Variants in EXOC6B observed in about 807,000 individuals in gnomAD.
The protein encoded by EXOC6B is exocyst complex component 6B.
A neutral mutation model predicts 113.5 loss-of-function variants in EXOC6B; 54 were observed. The ratio of observed to expected loss-of-function variants is 0.48; its 90% CI spans 0.38 to 0.60. The LOEUF is 0.60. Ranked by LOEUF, EXOC6B falls within the 20% of genes least tolerant of loss-of-function variation. The probability of loss-of-function intolerance (pLI) is 0.00; values close to 1 mark genes in which losing one functional copy is unlikely to be tolerated. For missense variants in EXOC6B, 797 were observed against 977.5 expected, an observed-to-expected ratio of 0.82 and a Z score of 2.46; for synonymous variants, 357 against 339.0, an observed-to-expected ratio of 1.05 and a Z score of -0.58.
intron 20 of EXOC6B, among the ~76,000 whole-genome samples, chr2:72,222,859 T>C (rs1274542361): frequency 1.3e-5 from 2 of 152,180 alleles, no homozygotes; most frequent in Non-Finnish European, 2.9e-5. Flanking sequence ...CACATATTCA[T>C]TATCCTTCAG....
intron 6 of EXOC6B, among the ~76,000 whole-genome samples, chr2:72,653,973 T>TTA (rs1553460849): frequency 1.6e-4 from 5 of 31,154 alleles, no homozygotes; most frequent in African/African-American, 2.1e-4. Context: ...TTTATTTATT[T>TTA]TTTTTTTTTT....
At chr2:72,184,732 T>C (rs1678311852) in intron 20 of EXOC6B, among the ~76,000 whole-genome samples, 1 of 152,194 alleles carries the variant, frequency 6.6e-6, no homozygotes, top group African/African-American at 2.4e-5. Flanking sequence ...CACATGCCTA[T>C]ATACAAATAG....
intron 3 of EXOC6B, 60 bp from the exon 4 acceptor site, chr2:72,731,305 C>A: frequency 2.4e-6 from 3 of 1,226,306 alleles, no homozygotes; most frequent in South Asian, 2.6e-5. Flanking sequence ...AGCTTTCAGT[C>A]ACATTTTTCC....
At chr2:72,647,479 C>A (rs1386266401) in intron 6 of EXOC6B, among the ~76,000 whole-genome samples, 1 of 152,166 alleles carries the variant, frequency 6.6e-6, no homozygotes, top group African/African-American at 2.4e-5. Context: ...CAAGACAATC[C>A]TAAGCAAAAA....
rs148596485 is a variant in EXOC6B, at chr2:72,510,130, G to A, written c.1167+3002C>T. 4.9e-3 allele frequency among the ~76,000 whole-genome samples: 749 copies of A among 152,130 alleles called. 11 individuals are homozygous for A. Among genetic ancestry groups the A allele is most frequent in the African/African-American group, 0.017 (696 of 41,498 alleles). ...ATTACAGGAGTGAGCCAACATGCCC[G>A]ACCTAATATCAGTATTATTTTTTAA... On this transcript the variant is annotated intron_variant, in intron 11 of 21. Transcript: ENST00000272427.
chr2:72,802,123 G>A, intron 1 of EXOC6B, among the ~76,000 whole-genome samples: 1 of 152,084 alleles, frequency 6.6e-6, no homozygotes, highest in Non-Finnish European at 1.5e-5. Context: ...GGGAGTTCAA[G>A]ACCAGCCTGA....
intron 6 of EXOC6B, among the ~76,000 whole-genome samples, chr2:72,710,465 T>C (rs767320027): frequency 6.6e-6 from 1 of 151,722 alleles, no homozygotes; most frequent in South Asian, 2.1e-4. Flanking sequence ...CCCCAGACCA[T>C]TCATTTAGGC....
intron 7 of EXOC6B, among the ~76,000 whole-genome samples, chr2:72,560,798 A>G (rs1447874471): frequency 2.0e-5 from 3 of 152,044 alleles, no homozygotes; most frequent in African/African-American, 7.2e-5. Flanking sequence ...ACTGATAGTA[A>G]GATGGTCAAT....
chr2:72,508,312 T>A (rs1326760384), intron 11 of EXOC6B, among the ~76,000 whole-genome samples: 1 of 152,166 alleles, frequency 6.6e-6, no homozygotes, highest in East Asian at 1.9e-4. Flanking sequence ...ATGTGTCAAT[T>A]AATCTACAGA....
chr2:72,222,572 G>A (rs1212633972), intron 20 of EXOC6B, among the ~76,000 whole-genome samples: 2 of 152,078 alleles, frequency 1.3e-5, no homozygotes, highest in Non-Finnish European at 2.9e-5. Flanking sequence ...ATCAGCTGGA[G>A]AGAGCACATA....
intron 5 of EXOC6B, among the ~76,000 whole-genome samples, chr2:72,722,207 G>A (rs779368002): frequency 1.3e-4 from 20 of 151,854 alleles, no homozygotes; most frequent in Non-Finnish European, 2.5e-4. Context: ...GCAATATTAC[G>A]AGCTAATTTC....
chr2:72,424,305 A>G (rs1238537627), intron 18 of EXOC6B, among the ~76,000 whole-genome samples: 1 of 151,096 alleles, frequency 6.6e-6, no homozygotes, highest in Non-Finnish European at 1.5e-5. Flanking sequence ...AGATTTTTCT[A>G]TCTCCTTTTA....
At chr2:72,313,483 G>C (rs1287766328) in intron 20 of EXOC6B, among the ~76,000 whole-genome samples, 1 of 152,112 alleles carries the variant, frequency 6.6e-6, no homozygotes, top group Non-Finnish European at 1.5e-5. Flanking sequence ...GAAAACCATA[G>C]ACAGTATACA....
At chr2:72,685,056 AC>A (rs1479689132) in intron 6 of EXOC6B, among the ~76,000 whole-genome samples, 1 of 152,184 alleles carries the variant, frequency 6.6e-6, no homozygotes, top group Non-Finnish European at 1.5e-5. Flanking sequence ...GGTGAAGTGT[AC>A]CTAGGTCTCA....
At chr2:72,683,304 A>T (rs562213903) in intron 6 of EXOC6B, among the ~76,000 whole-genome samples, 26 of 149,624 alleles carry the variant, frequency 1.7e-4, no homozygotes, top group African/African-American at 4.2e-4. Flanking sequence ...AGTGACTTTT[A>T]AAAAAAAAAG....
intron 6 of EXOC6B, among the ~76,000 whole-genome samples, chr2:72,588,978 A>T (rs376955453): frequency 6.6e-6 from 1 of 152,040 alleles, no homozygotes; most frequent in Non-Finnish European, 1.5e-5. Context: ...CACTTACTTG[A>T]TAGATTTCTT....
intron 20 of EXOC6B, among the ~76,000 whole-genome samples, chr2:72,187,469 A>T (rs1678513196): frequency 6.6e-6 from 1 of 152,076 alleles, no homozygotes; most frequent in African/African-American, 2.4e-5. Context: ...TTTATTGAGC[A>T]ATAGAACAGC....
intron 18 of EXOC6B, among the ~76,000 whole-genome samples, chr2:72,454,374 C>G (rs1283846920): frequency 6.6e-6 from 1 of 152,158 alleles, no homozygotes; most frequent in East Asian, 1.9e-4. Flanking sequence ...AATGGCAGCA[C>G]ACGCCTGTAA....
intron 6 of EXOC6B, among the ~76,000 whole-genome samples, chr2:72,599,281 T>A (rs1336701004): frequency 6.6e-6 from 1 of 151,652 alleles, no homozygotes; most frequent in African/African-American, 2.4e-5. Flanking sequence ...ATCCATCACA[T>A]CCATAGGTTA....
Sources: gnomAD v4.1 joint callset for allele counts (sites outside exome capture counted in the v4.1 genomes callset) on GRCh38, gnomAD v4.1.1 for gene constraint, MANE v1.5 for transcripts, NCBI Gene and HGNC (gene_info 2026-07-23, HGNC 2026-07-21) for gene names.